The following RPS6KA6 variants were observed in gnomAD, a reference collection of about 807,000 sequenced individuals.
RPS6KA6 encodes the protein ribosomal protein S6 kinase A6, also known as ribosomal protein S6 kinase alpha-6.
RPS6KA6 carries 27 observed loss-of-function variants against 65.4 expected under a neutral mutation model. The ratio of observed to expected loss-of-function variants is 0.41; its 90% confidence interval spans 0.30 to 0.57. The LOEUF (loss-of-function observed/expected upper bound fraction) is 0.57, where lower values mean the gene tolerates loss of function less well. Among genes scored for constraint, RPS6KA6 ranks in the 20% least tolerant of loss-of-function variants. The pLI is 0.24. For missense variants in RPS6KA6, 486 were observed against 555.6 expected, an observed-to-expected ratio of 0.87 and a Z score of 1.26; for synonymous variants, 190 against 184.2, an observed-to-expected ratio of 1.03 and a Z score of -0.26.
At chrX:84,106,225 A>G in intron 15 of RPS6KA6, 140 bp downstream of exon 15, 2 of 553,676 alleles carry the variant, frequency 3.6e-6, no homozygotes, top group South Asian at 6.3e-5. Context: ...TTCAAAAATG[A>G]AAATATTAAG....
rs768306884 is a variant in RPS6KA6, at chrX:84,117,474, C to T, written c.790-20G>A. 9.7e-7 allele frequency: 1 copy of T among 1,035,058 alleles called. No homozygotes were observed. Among genetic ancestry groups the T allele is most frequent in the Admixed American group, 2.7e-5 (1 of 36,413 alleles). 85.3% of individuals were successfully genotyped at this position (1,035,058 alleles called of 1,213,427 possible). A position where few individuals can be genotyped will look rare whatever the true frequency, so the allele number is the denominator to read the frequency against. ...TTCAAACTAAAACAAACAAACAAAA[C>T]ACACCACACAATTAGAACACCTTAG... On this transcript the variant is annotated intron_variant, in intron 9 of 21. Coordinates refer to ENST00000262752, the MANE Select transcript of RPS6KA6 (RefSeq NM_014496.5).
At chrX:84,076,563 GCAGA>G (rs1347195417) in intron 20 of RPS6KA6, among the ~76,000 whole-genome samples, 2 of 111,790 alleles carry the variant, frequency 1.8e-5, no homozygotes, top group Non-Finnish European at 3.8e-5. Context: ...GATTATCACA[GCAGA>G]CATAGGAAAA....
intron 12 of RPS6KA6, among the ~76,000 whole-genome samples, chrX:84,114,408 A>C (rs377155138): frequency 9.0e-6 from 1 of 110,781 alleles, no homozygotes; most frequent in South Asian, 3.9e-4. Flanking sequence ...GGATTGCTTA[A>C]GTCTAGGAGG....
chrX:84,187,671 A>T (rs1459735431), intron 1 of RPS6KA6, 148 bp downstream of exon 1: 1 of 483,753 alleles, frequency 2.1e-6, no homozygotes, highest in African/African-American at 2.5e-5. Context: ...CCCGCTCCCC[A>T]GCGAAAGGGC....
intron 18 of RPS6KA6, 150 bp downstream of exon 18, chrX:84,101,887 G>T: frequency 2.6e-6 from 1 of 389,627 alleles, no homozygotes; most frequent in Non-Finnish European, 4.3e-6. Context: ...TATATTAGGG[G>T]CTATGAGAAT....
intron 8 of RPS6KA6, 140 bp from the exon 9 acceptor site, chrX:84,120,167 T>C (rs2034640957): frequency 2.8e-6 from 1 of 360,676 alleles, no homozygotes; most frequent in Non-Finnish European, 4.7e-6. Context: ...TCCTGTGAGA[T>C]CAATAAGAGA....
chrX:84,148,573 T>G (rs908099765), intron 3 of RPS6KA6, among the ~76,000 whole-genome samples: 5 of 111,038 alleles, frequency 4.5e-5, no homozygotes, highest in African/African-American at 1.3e-4. Flanking sequence ...TACTGAACTT[T>G]GAGAATTTTG....
intron 18 of RPS6KA6, among the ~76,000 whole-genome samples, chrX:84,099,404 A>G (rs981664019): frequency 3.6e-5 from 4 of 111,189 alleles, no homozygotes; most frequent in African/African-American, 1.3e-4. Context: ...ACTTGTATCA[A>G]GTTAAATACA....
intron 8 of RPS6KA6, among the ~76,000 whole-genome samples, chrX:84,127,163 A>G (rs914742638): frequency 7.2e-5 from 8 of 111,488 alleles, no homozygotes; most frequent in African/African-American, 2.3e-4. Flanking sequence ...TACGACTGAT[A>G]CCACAGAAAT....
chrX:84,163,640 C>T (rs2035551314), intron 2 of RPS6KA6, among the ~76,000 whole-genome samples: 1 of 64,755 alleles, frequency 1.5e-5, no homozygotes, highest in South Asian at 9.5e-4. Flanking sequence ...AGCGAGACTC[C>T]GTCTCAAAAA....
intron 2 of RPS6KA6, among the ~76,000 whole-genome samples, chrX:84,158,426 A>G (rs2035451933): frequency 9.0e-6 from 1 of 111,111 alleles, no homozygotes; most frequent in Admixed American, 9.6e-5. Flanking sequence ...CAAAAAATAT[A>G]TATACCCACG....
chrX:84,154,073 C>A (rs1245796709), intron 3 of RPS6KA6, among the ~76,000 whole-genome samples: 1 of 111,273 alleles, frequency 9.0e-6, no homozygotes, highest in African/African-American at 3.3e-5. Context: ...AGAGAAATTT[C>A]TCTGGTCTGT....
At chrX:84,140,467 G>A (rs1201288006) in intron 6 of RPS6KA6, among the ~76,000 whole-genome samples, 10 of 110,198 alleles carry the variant, frequency 9.1e-5, no homozygotes, top group Non-Finnish European at 1.1e-4. Flanking sequence ...CCAGGCACTG[G>A]GGCTCATGCC....
At chrX:84,083,526 C>G (rs950002133) in intron 20 of RPS6KA6, among the ~76,000 whole-genome samples, 1 of 112,011 alleles carries the variant, frequency 8.9e-6, no homozygotes, top group African/African-American at 3.2e-5. Flanking sequence ...TAATGGCTTC[C>G]AGCTATATCC....
intron 18 of RPS6KA6, 88 bp downstream of exon 18, chrX:84,101,949 T>A: frequency 1.3e-6 from 1 of 788,981 alleles, no homozygotes; most frequent in Non-Finnish European, 1.7e-6. Context: ...ACAGCTTTTA[T>A]CTGCCTACCA....
At chrX:84,175,486 T>C (rs1055186394) in intron 1 of RPS6KA6, among the ~76,000 whole-genome samples, 2 of 111,711 alleles carry the variant, frequency 1.8e-5, no homozygotes, top group Non-Finnish European at 3.8e-5. Context: ...ATAGCATTTA[T>C]ATGCTAGGTA....
intron 20 of RPS6KA6, among the ~76,000 whole-genome samples, chrX:84,086,638 T>G (rs2033929345): frequency 9.0e-6 from 1 of 111,420 alleles, no homozygotes; most frequent in East Asian, 2.8e-4. Flanking sequence ...ATGCATATTC[T>G]GTTGATTTTT....
chrX:84,151,954 A>G (rs1413801390), intron 3 of RPS6KA6, among the ~76,000 whole-genome samples: 1 of 111,258 alleles, frequency 9.0e-6, no homozygotes, highest in African/African-American at 3.3e-5. Flanking sequence ...AGGGGTACGG[A>G]GACCACAATT....
At chrX:84,160,221 T>C (rs1310759679) in intron 2 of RPS6KA6, among the ~76,000 whole-genome samples, 1 of 111,368 alleles carries the variant, frequency 9.0e-6, no homozygotes, top group Non-Finnish European at 1.9e-5. Context: ...TTTGCGACCA[T>C]AAAGTAATCA....
Sources: allele counts gnomAD v4.1 joint callset (sites outside exome capture counted in the v4.1 genomes callset), GRCh38; gene constraint gnomAD v4.1.1; transcripts MANE v1.5; gene names NCBI Gene and HGNC (gene_info 2026-07-23, HGNC 2026-07-21).